Variants in EXOC4 observed in about 807,000 individuals in gnomAD.
The protein encoded by EXOC4 is SEC8-like 1.
In EXOC4, 71 loss-of-function variants were observed where a neutral mutation model predicts 107.2. The observed-to-expected ratio is 0.66, with a 90% CI of 0.55 to 0.81. The LOEUF is 0.81. Ranked by LOEUF, EXOC4 falls within the 30% of genes least tolerant of loss-of-function variation. EXOC4 has a pLI of 0.00. For synonymous variants in EXOC4, 456 were observed against 441.2 expected (o/e 1.03, Z -0.42); for missense variants, 1,108 against 1,189.6 (o/e 0.93, Z 1.01).
intron 9 of EXOC4, among the ~76,000 whole-genome samples, chr7:133,619,992 G>GTGTGTC (rs1176395953): frequency 2.0e-5 from 3 of 150,338 alleles, no homozygotes; most frequent in Non-Finnish European, 3.0e-5. Flanking sequence ...TTCTGTGTGT[G>GTGTGTC]TGTGTGTGTG....
intron 5 of EXOC4, among the ~76,000 whole-genome samples, chr7:133,320,357 C>T (rs897719454): frequency 1.8e-4 from 28 of 152,166 alleles, no homozygotes; most frequent in African/African-American, 6.5e-4. Context: ...CTTTCTGGCT[C>T]CTGGAGGCCA....
rs145351224 is a variant in EXOC4 at position 133,387,942 on chromosome 7, A to T, written c.1182+12940A>T. Among the ~76,000 whole-genome samples, 248 of 151,914 alleles carry T rather than the reference A, an allele frequency of 1.6e-3. 1 individual carries two copies. Among genetic ancestry groups the T allele is most frequent in the Middle Eastern group, 6.8e-3 (2 of 294 alleles). On this transcript the variant is annotated intron_variant, in intron 7 of 17. Coordinates refer to ENST00000253861, the MANE Select transcript of EXOC4 (RefSeq NM_021807.4). ...AGTATAAATGTATAATATGAACAGC[A>T]CTATAAAGACCTGGGGGAGATGGGC...
chr7:133,643,181 G>A (rs1214727932), intron 10 of EXOC4, among the ~76,000 whole-genome samples: 2 of 152,118 alleles, frequency 1.3e-5, no homozygotes, highest in East Asian at 3.9e-4. Flanking sequence ...ATAGGCTGAG[G>A]GACCCACAAT....
intron 11 of EXOC4, among the ~76,000 whole-genome samples, chr7:133,881,750 T>C (rs1177856923): frequency 2.0e-5 from 3 of 152,152 alleles, no homozygotes; most frequent in Non-Finnish European, 4.4e-5. Flanking sequence ...CTTCCTATCC[T>C]CTCCAGAACA....
intron 10 of EXOC4, among the ~76,000 whole-genome samples, chr7:133,707,805 G>T (rs572941732): frequency 6.6e-6 from 1 of 151,970 alleles, no homozygotes; most frequent in Non-Finnish European, 1.5e-5. Flanking sequence ...TAGTAGAGAC[G>T]GAGTTTTGCC....
intron 9 of EXOC4, among the ~76,000 whole-genome samples, chr7:133,502,537 T>G (rs938702822): frequency 1.3e-5 from 2 of 152,092 alleles, no homozygotes; most frequent in African/African-American, 4.8e-5. Flanking sequence ...TTTTTGTGTG[T>G]GGGGGGAGTC....
chr7:133,605,933 AG>A (rs1331813266), intron 9 of EXOC4, among the ~76,000 whole-genome samples: 1 of 152,032 alleles, frequency 6.6e-6, no homozygotes, highest in African/African-American at 2.4e-5. Flanking sequence ...CAGAAGGACT[AG>A]CTAGTGTGTC....
chr7:133,302,668 G>A (rs1018281959), intron 3 of EXOC4, among the ~76,000 whole-genome samples: 2 of 152,050 alleles, frequency 1.3e-5, no homozygotes, highest in African/African-American at 4.8e-5. Flanking sequence ...CATCTGCTAT[G>A]TTTTATCCTG....
intron 14 of EXOC4, among the ~76,000 whole-genome samples, chr7:133,945,164 C>T (rs1800520327): frequency 6.6e-6 from 1 of 152,142 alleles, no homozygotes; most frequent in Non-Finnish European, 1.5e-5. Context: ...CAACAGGCTA[C>T]ACCCCAGACC....
At chr7:133,430,222 C>T (rs763943176) in intron 7 of EXOC4, among the ~76,000 whole-genome samples, 8 of 152,216 alleles carry the variant, frequency 5.3e-5, no homozygotes, top group Non-Finnish European at 1.0e-4. Context: ...CTCCTTTCGA[C>T]ATTCAGTTGC....
intron 3 of EXOC4, among the ~76,000 whole-genome samples, chr7:133,296,012 T>C (rs1272773521): frequency 6.6e-6 from 1 of 152,114 alleles, no homozygotes; most frequent in Non-Finnish European, 1.5e-5. Context: ...ATGATAAAAA[T>C]ATATCAGTGA....
chr7:133,796,838 CAGTT>C (rs1796826943), intron 10 of EXOC4, among the ~76,000 whole-genome samples: 1 of 152,186 alleles, frequency 6.6e-6, no homozygotes, highest in Admixed American at 6.5e-5. Flanking sequence ...GCTCCTTCCC[CAGTT>C]ACGTGCCTGG....
At chr7:133,818,163 C>T (rs1337750480) in intron 11 of EXOC4, among the ~76,000 whole-genome samples, 1 of 152,048 alleles carries the variant, frequency 6.6e-6, no homozygotes, top group Non-Finnish European at 1.5e-5. Context: ...ATTTTATATA[C>T]ATTTTAGCTG....
chr7:133,766,882 A>T (rs1209634148), intron 10 of EXOC4, among the ~76,000 whole-genome samples: 1 of 151,718 alleles, frequency 6.6e-6, no homozygotes, highest in Non-Finnish European at 1.5e-5. Context: ...TTAAAATTGA[A>T]CTCCCAGTGG....
At chr7:133,272,601 GC>G (rs924987687) in intron 1 of EXOC4, among the ~76,000 whole-genome samples, 24 of 151,016 alleles carry the variant, frequency 1.6e-4, no homozygotes, top group African/African-American at 5.8e-4. Context: ...AAAAAAAAAA[GC>G]TTTAATGGTT....
chr7:133,341,495 A>G (rs527437493), intron 5 of EXOC4, among the ~76,000 whole-genome samples: 1 of 152,318 alleles, frequency 6.6e-6, no homozygotes, highest in African/African-American at 2.4e-5. Context: ...AGTGAATAGA[A>G]TGTATATTCT....
At chr7:133,480,361 T>A in intron 9 of EXOC4, 1 of 1,354,890 alleles carries the variant, frequency 7.4e-7, no homozygotes, top group South Asian at 1.6e-5. Context: ...AAGTGGGAAT[T>A]CAAAGCAAAA....
Position 133,604,057 on chromosome 7 carries a change from C to T in EXOC4, c.1418-25988C>T, listed in dbSNP as rs575513208. On this transcript the variant is annotated intron_variant, in intron 9 of 17. Transcript: ENST00000253861. Reference sequence around the variant, plus strand: ...TTTGTTAAAAACTAGGATATAAACACACACATGAGCCCAGGCCTACACAGG... The same window carrying T: ...TTTGTTAAAAACTAGGATATAAACATACACATGAGCCCAGGCCTACACAGG... Among the ~76,000 whole-genome samples the T allele has an allele frequency of 5.3e-5, 8 of 150,934 alleles. No individual in the cohort carries two copies. In the East Asian group the frequency reaches 1.6e-3, roughly 30 times the overall value.
intron 9 of EXOC4, among the ~76,000 whole-genome samples, chr7:133,514,295 GCTGGGA>G (rs1399754905): frequency 6.6e-6 from 1 of 151,980 alleles, no homozygotes; most frequent in Non-Finnish European, 1.5e-5. Context: ...CTCCTGAGTA[GCTGGGA>G]CTACAGGCGC....
Sources: allele counts gnomAD v4.1 joint callset (sites outside exome capture counted in the v4.1 genomes callset), GRCh38; gene constraint gnomAD v4.1.1; transcripts MANE v1.5; gene names NCBI Gene and HGNC (gene_info 2026-07-23, HGNC 2026-07-21).